The following SLC2A13 variants were observed in gnomAD, a reference collection of about 807,000 sequenced individuals.
SLC2A13 encodes the protein solute carrier family 2 member 13.
SLC2A13 carries 32 observed loss-of-function variants against 64.4 expected under a neutral mutation model. That is an observed-to-expected ratio of 0.50 (90% CI 0.37 to 0.67). The LOEUF (loss-of-function observed/expected upper bound fraction) is 0.67. Ranked by LOEUF, SLC2A13 falls within the 30% of genes least tolerant of loss-of-function variation. The probability of loss-of-function intolerance (pLI) is 0.00; values close to 1 mark genes in which losing one functional copy is unlikely to be tolerated. For missense variants in SLC2A13, 743 were observed against 829.2 expected, an observed-to-expected ratio of 0.90 and a Z score of 1.28; for synonymous variants, 338 against 327.1, an observed-to-expected ratio of 1.03 and a Z score of -0.36.
chr12:39,848,936 C>T (rs1463788099), intron 6 of SLC2A13, among the ~76,000 whole-genome samples: 3 of 152,066 alleles, frequency 2.0e-5, no homozygotes, highest in Admixed American at 1.3e-4. Flanking sequence ...AAACCAAATA[C>T]CACATGGTCT....
At chr12:39,870,648 C>A (rs1046060672) in intron 5 of SLC2A13, among the ~76,000 whole-genome samples, 1 of 152,150 alleles carries the variant, frequency 6.6e-6, no homozygotes, top group Non-Finnish European at 1.5e-5. Context: ...TACCTACTGT[C>A]TTAGTTCAGT....
At chr12:39,891,125 T>C (rs1299608674) in intron 4 of SLC2A13, among the ~76,000 whole-genome samples, 1 of 151,050 alleles carries the variant, frequency 6.6e-6, no homozygotes, top group Non-Finnish European at 1.5e-5. Context: ...TATACCTTTT[T>C]TTTTTTAACA....
intron 1 of SLC2A13, among the ~76,000 whole-genome samples, chr12:40,056,891 A>G (rs1271872743): frequency 1.3e-5 from 2 of 152,178 alleles, no homozygotes; most frequent in Non-Finnish European, 2.9e-5. Context: ...GACCTTGCCT[A>G]AAAAGCAGAA....
chr12:39,932,686 T>C (rs1390883594), intron 4 of SLC2A13, among the ~76,000 whole-genome samples: 1 of 152,184 alleles, frequency 6.6e-6, no homozygotes, highest in Non-Finnish European at 1.5e-5. Flanking sequence ...TCAAGGCCTA[T>C]CTGAGGTGTG....
intron 9 of SLC2A13, among the ~76,000 whole-genome samples, chr12:39,763,353 A>G (rs777968395): frequency 7.9e-5 from 12 of 152,222 alleles, no homozygotes; most frequent in Non-Finnish European, 1.6e-4. Flanking sequence ...CCAGTTCAGC[A>G]TGGTCAGAAG....
At chr12:39,920,593 T>C (rs528348912) in intron 4 of SLC2A13, among the ~76,000 whole-genome samples, 2 of 152,232 alleles carry the variant, frequency 1.3e-5, no homozygotes, top group South Asian at 4.1e-4. Context: ...ATAGAGACTC[T>C]GTAGCGGAGT....
At chr12:40,033,477 C>A (rs976669834) in intron 2 of SLC2A13, among the ~76,000 whole-genome samples, 1 of 152,184 alleles carries the variant, frequency 6.6e-6, no homozygotes, top group Non-Finnish European at 1.5e-5. Context: ...ACAGTACCAC[C>A]CACTGGGCTG....
intron 5 of SLC2A13, among the ~76,000 whole-genome samples, chr12:39,868,108 T>G (rs1566884830): frequency 6.6e-6 from 1 of 152,220 alleles, no homozygotes; most frequent in Non-Finnish European, 1.5e-5. Context: ...TCAATCTGGT[T>G]ATTGTCAAGT....
intron 7 of SLC2A13, among the ~76,000 whole-genome samples, chr12:39,801,788 A>C (rs1941800828): frequency 6.6e-6 from 1 of 152,218 alleles, no homozygotes; most frequent in Non-Finnish European, 1.5e-5. Flanking sequence ...TTTGTGCAAA[A>C]TCAGATCAAC....
In SLC2A13 at chr12:40,064,691, C is replaced by T. The variant is rs543937092; in HGVS notation, c.557-16481G>A. On this transcript the variant is annotated intron_variant, in intron 1 of 9. Coordinates refer to ENST00000280871, the MANE Select transcript of SLC2A13 (RefSeq NM_052885.4). Reference sequence around the variant, plus strand: ...CCATAACAAATAGAGCAAAATATTTCATCAAAATTGTTACTGTTTCCATCA... The same window carrying T: ...CCATAACAAATAGAGCAAAATATTTTATCAAAATTGTTACTGTTTCCATCA... 1.4e-3 allele frequency among the ~76,000 whole-genome samples: 210 copies of T among 152,204 alleles called. 1 individual carries two copies. The highest frequency in any genetic ancestry group is 4.8e-3 in the African/African-American group (200 of 41,542).
chr12:39,977,434 C>T lies in SLC2A13; in HGVS notation c.926-26069G>A, dbSNP rs969458893. Among the ~76,000 whole-genome samples, 3 of 152,346 alleles carry T rather than the reference C, an allele frequency of 2.0e-5. No homozygotes were observed. In the Middle Eastern group the frequency reaches 0.01, roughly 518 times the overall value. On this transcript the variant is annotated intron_variant, in intron 3 of 9. Coordinates refer to ENST00000280871, the MANE Select transcript of SLC2A13 (RefSeq NM_052885.4). The stretch of plus-strand genomic sequence containing the variant: ...AGAGATTATTTTGTCTCAGTGTTCA[C>T]TTTCTCAAGAAGGAAAAGAAAGCAG...
At chr12:39,819,176 T>G (rs1341186956) in intron 7 of SLC2A13, among the ~76,000 whole-genome samples, 1 of 152,212 alleles carries the variant, frequency 6.6e-6, no homozygotes, top group East Asian at 1.9e-4. Context: ...GTCTCATTTT[T>G]AAGCCTTAAA....
intron 1 of SLC2A13, among the ~76,000 whole-genome samples, chr12:40,050,960 A>C (rs528663541): frequency 6.6e-6 from 1 of 152,332 alleles, no homozygotes; most frequent in South Asian, 2.1e-4. Flanking sequence ...TGCCTGGCTT[A>C]CAGAAGGTAG....
At chr12:40,022,330 C>T (rs1052649577) in intron 3 of SLC2A13, among the ~76,000 whole-genome samples, 10 of 152,280 alleles carry the variant, frequency 6.6e-5, no homozygotes, top group African/African-American at 2.4e-4. Context: ...AACCTAAATG[C>T]CCTACTACAG....
At chr12:39,919,155 T>C (rs1242154656) in intron 4 of SLC2A13, among the ~76,000 whole-genome samples, 5 of 151,938 alleles carry the variant, frequency 3.3e-5, no homozygotes, top group East Asian at 1.9e-4. Context: ...CATACATATA[T>C]GTATACACTT....
In SLC2A13 at chr12:40,105,716, G is replaced by T; in HGVS notation, c.93C>A (p.Asp31Glu). Residue 31 changes from aspartate (D) to glutamate (E), a missense_variant, in exon 1 of 10, where the codon GAC becomes GAA. This residue lies in a region of SLC2A13 where 448 missense variants were observed against 447.4 expected (regional missense o/e 1.00). Coordinates refer to ENST00000280871, the MANE Select transcript of SLC2A13 (RefSeq NM_052885.4). The surrounding 1 kb of genome is among the most constrained non-coding windows in gnomAD (Gnocchi z 4.2). ...GERRRKQPEP[D>E]AASAAGECSL... ...TGCACTCCCCGGCCGCGCTCGCCGC[G>T]TCCGGCTCCGGCTGCTTCCTGCGCC... The T allele has an allele frequency of 6.8e-7, 1 of 1,480,850 alleles. No individual in the cohort carries two copies. The highest frequency in any genetic ancestry group is 9.0e-7 in the Non-Finnish European group (1 of 1,115,810). The allele number at this position is 1,480,850 out of a possible 1,614,324, so 91.7% of individuals were successfully genotyped here. A position where few individuals can be genotyped will look rare whatever the true frequency, so the allele number is the denominator to read the frequency against.
intron 2 of SLC2A13, among the ~76,000 whole-genome samples, chr12:40,043,921 T>C (rs1948133388): frequency 6.6e-6 from 1 of 152,210 alleles, no homozygotes; most frequent in South Asian, 2.1e-4. Context: ...ACAGCCACTT[T>C]GGAAGCAGTC....
intron 1 of SLC2A13, among the ~76,000 whole-genome samples, chr12:40,101,724 A>G (rs939738226): frequency 6.6e-6 from 1 of 152,066 alleles, no homozygotes; most frequent in African/African-American, 2.4e-5. Context: ...TCACTCATCT[A>G]TGCTTCAAAT....
At chr12:39,788,158 C>T (rs1262021584) in intron 7 of SLC2A13, among the ~76,000 whole-genome samples, 2 of 152,062 alleles carry the variant, frequency 1.3e-5, no homozygotes, top group East Asian at 1.9e-4. Context: ...TTCCAAGATC[C>T]TCATACCTAG....
Sources: gnomAD v4.1 joint callset for allele counts (sites outside exome capture counted in the v4.1 genomes callset) on GRCh38, gnomAD v4.1.1 for gene constraint, gnomAD v4.1.1 regional missense constraint, Gnocchi (gnomAD v3.1) non-coding constraint, MANE v1.5 for transcripts, NCBI Gene and HGNC (gene_info 2026-07-23, HGNC 2026-07-21) for gene names.